IL10RB: variants seen among roughly 807,000 people sequenced by gnomAD.
IL10RB encodes interleukin 10 receptor subunit beta.
A neutral mutation model predicts 38.7 loss-of-function variants in IL10RB; 30 were observed. That is an observed-to-expected ratio of 0.78 (90% CI 0.58 to 1.05). IL10RB has a LOEUF of 1.05. IL10RB is among the 50% of genes least tolerant of loss of function. The pLI is 0.00. For synonymous variants in IL10RB, 142 were observed against 145.9 expected, an observed-to-expected ratio of 0.97 and a Z score of 0.19; for missense variants, 328 against 397.1, an observed-to-expected ratio of 0.83 and a Z score of 1.48.
At position 33,296,378 on chromosome 21, in the gene IL10RB, T is replaced by G; in HGVS notation, c.*21T>G. 1 of 1,610,152 alleles carries G rather than the reference T, an allele frequency of 6.2e-7. No homozygotes were observed. Among genetic ancestry groups the G allele is most frequent in the South Asian group, 1.1e-5 (1 of 91,026 alleles). On this transcript the variant is annotated 3_prime_UTR_variant, in exon 7 of 7. Transcript: ENST00000290200. ...GCTAGGCTCTGAGAAGGAAACACAC[T>G]CGGCTGGGCACAGTGACGTACTCCA...
At chr21:33,271,309 G>A (rs1424051631) in intron 2 of IL10RB, among the ~76,000 whole-genome samples, 2 of 152,108 alleles carry the variant, frequency 1.3e-5, no homozygotes, top group African/African-American at 4.8e-5. Flanking sequence ...CCAGAGCCGG[G>A]GGCACTTCAG....
Position 33,296,431 on chromosome 21 carries a change from G to C in IL10RB, c.*74G>C, listed in dbSNP as rs780170183. The C allele has an allele frequency of 6.7e-7, 1 of 1,485,644 alleles. No homozygotes were observed. The highest frequency in any genetic ancestry group is 1.8e-5 in the Admixed American group (1 of 57,010). The allele number at this position is 1,485,644 out of a possible 1,614,324, so 92.0% of individuals were successfully genotyped here. A position where few individuals can be genotyped will look rare whatever the true frequency, so the allele number is the denominator to read the frequency against. On this transcript the variant is annotated 3_prime_UTR_variant, in exon 7 of 7. Coordinates refer to ENST00000290200, the MANE Select transcript of IL10RB (RefSeq NM_000628.5). ...TCACATCTGCCTCAGTGAGGGATCA[G>C]GGCAGCAAACAAGGGCCAAGACCAT... is the stretch of plus-strand genomic sequence containing the variant.
chr21:33,281,742 C>G (rs1989283807), intron 4 of IL10RB, among the ~76,000 whole-genome samples: 1 of 152,170 alleles, frequency 6.6e-6, no homozygotes, highest in African/African-American at 2.4e-5. Flanking sequence ...GCCACCACAC[C>G]CCGCTAATTT....
intron 1 of IL10RB, 135 bp from the exon 2 acceptor site, chr21:33,268,259 G>C: frequency 6.4e-7 from 1 of 1,553,550 alleles, no homozygotes; most frequent in South Asian, 1.2e-5. Context: ...CAGCCAACCT[G>C]TCTCTCCCTC....
chr21:33,268,666 T>G (rs1022295580), intron 2 of IL10RB, 149 bp downstream of exon 2: 2 of 711,508 alleles, frequency 2.8e-6, no homozygotes, highest in Admixed American at 2.2e-5. Flanking sequence ...AGCCTTTTGC[T>G]GTCTGGGAAA....
chr21:33,271,904 C>CT (rs1989088010), intron 2 of IL10RB, among the ~76,000 whole-genome samples: 1 of 151,334 alleles, frequency 6.6e-6, no homozygotes, highest in African/African-American at 2.4e-5. Flanking sequence ...CCAGCCTGGG[C>CT]AACATAGCAG....
Position 33,266,525 on chromosome 21 carries a change from C to T in IL10RB, c.49+11C>T. The T allele has an allele frequency of 3.2e-6, 5 of 1,541,486 alleles. No individual in the cohort carries two copies. The highest frequency in any genetic ancestry group is 1.4e-5 in the African/African-American group (1 of 73,136). ...GCCTGCTGGTGTCAGGTGAGGGGTC[C>T]GCGGGGAGGGGGCGCGCTTGGGAAC... On this transcript the variant is annotated intron_variant, in intron 1 of 6. Transcript: ENST00000290200.
intron 1 of IL10RB, among the ~76,000 whole-genome samples, chr21:33,306,524 G>C (rs2082999164): frequency 6.6e-6 from 1 of 152,056 alleles, no homozygotes; most frequent in East Asian, 1.9e-4. Context: ...TGATATAATA[G>C]TTATCTGAGC....
At chr21:33,279,314 A>T (rs922706536) in intron 3 of IL10RB, among the ~76,000 whole-genome samples, 1 of 152,218 alleles carries the variant, frequency 6.6e-6, no homozygotes, top group Non-Finnish European at 1.5e-5. Context: ...TTAATTATAT[A>T]TGTTAAACAT....
chr21:33,273,097 G>T (rs1989109882), intron 2 of IL10RB, among the ~76,000 whole-genome samples: 1 of 152,204 alleles, frequency 6.6e-6, no homozygotes, highest in Non-Finnish European at 1.5e-5. Context: ...ACGTCATGCA[G>T]TGTACTTGCA....
chr21:33,280,937 A>C (rs1364328471), intron 4 of IL10RB, among the ~76,000 whole-genome samples: 1 of 152,206 alleles, frequency 6.6e-6, no homozygotes, highest in Non-Finnish European at 1.5e-5. Context: ...TCCTGCTGCC[A>C]CAACAAAATA....
chr21:33,292,266 A>C (rs935601052), intron 6 of IL10RB, among the ~76,000 whole-genome samples: 1 of 152,136 alleles, frequency 6.6e-6, no homozygotes, highest in African/African-American at 2.4e-5. Flanking sequence ...GATCAGACCC[A>C]CGGCCCAAAG....
At chr21:33,297,669 T>G (rs2082973486), downstream of IL10RB, among the ~76,000 whole-genome samples, 1 of 151,810 alleles carries the variant, frequency 6.6e-6, no homozygotes, top group Non-Finnish European at 1.5e-5. Flanking sequence ...GTTTTAAAAT[T>G]AGGCATGGTG....
At chr21:33,294,757 A>C (rs186329909) in intron 6 of IL10RB, among the ~76,000 whole-genome samples, 1 of 152,156 alleles carries the variant, frequency 6.6e-6, no homozygotes, top group Admixed American at 6.5e-5. Flanking sequence ...AAAGGGTTCA[A>C]GATGCAAAGC....
intron 1 of IL10RB, among the ~76,000 whole-genome samples, chr21:33,302,593 C>T (rs959754030): frequency 6.6e-6 from 1 of 152,120 alleles, no homozygotes; most frequent in Non-Finnish European, 1.5e-5. Flanking sequence ...GACCTGTTGC[C>T]GCAGAGTGAT....
At chr21:33,303,076 C>A (rs1472480633) in intron 1 of IL10RB, among the ~76,000 whole-genome samples, 1 of 152,210 alleles carries the variant, frequency 6.6e-6, no homozygotes, top group Non-Finnish European at 1.5e-5. Context: ...GGCACCTCAA[C>A]TAAGGCCTCC....
intron 5 of IL10RB, 116 bp downstream of exon 5, chr21:33,283,357 CATT>C: frequency 4.7e-6 from 5 of 1,055,872 alleles, no homozygotes; most frequent in Non-Finnish European, 7.2e-6. Flanking sequence ...ATCGCCCTGA[CATT>C]ATCTCTCAGC....
chr21:33,271,423 A>C (rs1331775691), intron 2 of IL10RB, among the ~76,000 whole-genome samples: 2 of 152,146 alleles, frequency 1.3e-5, no homozygotes, highest in African/African-American at 2.4e-5. Context: ...GTATTTGTAC[A>C]TGCAATAAAA....
intron 2 of IL10RB, among the ~76,000 whole-genome samples, chr21:33,274,186 CATTTT>C (rs1238394833): frequency 6.6e-6 from 1 of 151,944 alleles, no homozygotes. Flanking sequence ...TATTTTATTT[CATTTT>C]ATTTTATTTT....
Sources: gnomAD v4.1 joint callset for allele counts (sites outside exome capture counted in the v4.1 genomes callset) on GRCh38, gnomAD v4.1.1 for gene constraint, MANE v1.5 for transcripts, NCBI Gene and HGNC (gene_info 2026-07-23, HGNC 2026-07-21) for gene names.